The following GRM4 variants were observed in gnomAD, a reference collection of about 807,000 sequenced individuals.
GRM4 encodes glutamate metabotropic receptor 4.
GRM4 carries 28 observed loss-of-function variants against 81.7 expected under a neutral mutation model. The ratio of observed to expected loss-of-function variants is 0.34; its 90% confidence interval spans 0.25 to 0.47. The LOEUF is 0.47. Ranked by LOEUF, GRM4 falls within the 20% of genes least tolerant of loss-of-function variation. The probability of loss-of-function intolerance (pLI) is 1.00; values close to 1 mark genes in which losing one functional copy is unlikely to be tolerated. For synonymous variants in GRM4, 488 were observed against 528.8 expected (o/e 0.92, Z 1.06); for missense variants, 948 against 1,290.0 (o/e 0.73, Z 4.06).
intron 3 of GRM4, among the ~76,000 whole-genome samples, chr6:34,083,546 A>C (rs146726508): frequency 6.6e-6 from 1 of 152,314 alleles, no homozygotes; most frequent in Non-Finnish European, 1.5e-5. Context: ...CAGGTGGCGT[A>C]CAAGGGCAGC....
chr6:34,098,600 C>A (rs1367588045), intron 2 of GRM4, among the ~76,000 whole-genome samples: 2 of 152,230 alleles, frequency 1.3e-5, no homozygotes, highest in East Asian at 3.9e-4. Context: ...CCAGCACAAG[C>A]CCCAGGCTTG....
chr6:34,029,863 G>A (rs1425768841), intron 9 of GRM4, among the ~76,000 whole-genome samples: 3 of 152,232 alleles, frequency 2.0e-5, no homozygotes, highest in Admixed American at 6.5e-5. Flanking sequence ...CCAGGCTGGC[G>A]TGGCCCAGGT....
rs985176363 is a variant in GRM4, at chr6:34,019,933, G to C, written c.*2888C>G. On this transcript the variant is annotated 3_prime_UTR_variant, in exon 11 of 11. Coordinates refer to ENST00000538487, the MANE Select transcript of GRM4 (RefSeq NM_000841.4). ...GGCTGCACTGGCCTGAGCCTTCTAG[G>C]TGATGGACCCAGGACTCCAGCAGCA... 6.6e-6 allele frequency: 1 copy of C among 152,210 alleles called. No homozygotes were observed. Among genetic ancestry groups the C allele is most frequent in the Non-Finnish European group, 1.5e-5 (1 of 68,104 alleles). 9.4% of individuals were successfully genotyped at this position (152,210 alleles called of 1,614,324 possible).
chr6:34,102,016 C>A, intron 2 of GRM4: 2 of 1,535,616 alleles, frequency 1.3e-6, no homozygotes, highest in Non-Finnish European at 1.7e-6. Context: ...TCACCAGGAT[C>A]CTTACCTGTC....
At chr6:34,106,673 C>T (rs533491389) in intron 2 of GRM4, among the ~76,000 whole-genome samples, 2 of 152,276 alleles carry the variant, frequency 1.3e-5, no homozygotes, top group African/African-American at 4.8e-5. Context: ...AACACCACAC[C>T]TTTCATTCAC....
chr6:34,039,664 T>C (rs1764898897), intron 8 of GRM4, among the ~76,000 whole-genome samples: 2 of 152,156 alleles, frequency 1.3e-5, no homozygotes, highest in Non-Finnish European at 2.9e-5. Context: ...CTGCCTTCTA[T>C]CGTGCTTTGA....
upstream of GRM4, among the ~76,000 whole-genome samples, chr6:34,147,464 C>G (rs1025870426): frequency 2.0e-5 from 3 of 152,236 alleles, no homozygotes; most frequent in Non-Finnish European, 4.4e-5. Context: ...TTCTTGGGAA[C>G]AGCCTGCCTG....
At position 34,036,688 on chromosome 6, in the gene GRM4, GC is replaced by G; in HGVS notation, c.1507-86del. 1.4e-6 allele frequency: 1 copy of G among 720,422 alleles called. No individual in the cohort carries two copies. Among genetic ancestry groups the G allele is most frequent in the Non-Finnish European group, 2.3e-6 (1 of 437,118 alleles). The allele number at this position is 720,422 out of a possible 1,614,324, so 44.6% of individuals were successfully genotyped here. ...TCCTACTGGGTGGTGGCACCTTGTA[GC>G]CCCACACTCAAATCACCCAGCTAGT... On this transcript the variant is annotated intron_variant, in intron 8 of 10. Transcript: ENST00000538487. This position sits in a 1 kb window ranked among gnomAD's most constrained non-coding sequence, Gnocchi z 9.0.
At chr6:34,085,102 G>A (rs1174123315) in intron 3 of GRM4, among the ~76,000 whole-genome samples, 14 of 152,318 alleles carry the variant, frequency 9.2e-5, no homozygotes, top group African/African-American at 2.2e-4. Context: ...AGGGAACAGG[G>A]CTGGTCGTCT....
Position 34,089,836 on chromosome 6 carries a change from C to A in GRM4, c.736+2047G>T, listed in dbSNP as rs960589907. 6.6e-6 allele frequency among the ~76,000 whole-genome samples: 1 copy of A among 152,126 alleles called. No individual in the cohort carries two copies. Among genetic ancestry groups the A allele is most frequent in the Non-Finnish European group, 1.5e-5 (1 of 68,022 alleles). On this transcript the variant is annotated intron_variant, in intron 3 of 10. Coordinates refer to ENST00000538487, the MANE Select transcript of GRM4 (RefSeq NM_000841.4). The surrounding 1 kb of genome is among the most constrained non-coding windows in gnomAD (Gnocchi z 4.3). Reference sequence around the variant, plus strand: ...CCATCCCATGCCTCTCCTGTCCCTCCAGGCTGTGTGTACATGGGTGTGCCT... The same window carrying A: ...CCATCCCATGCCTCTCCTGTCCCTCAAGGCTGTGTGTACATGGGTGTGCCT...
chr6:34,122,459 C>T (rs573032927), intron 2 of GRM4, among the ~76,000 whole-genome samples: 1 of 152,282 alleles, frequency 6.6e-6, no homozygotes, highest in Admixed American at 6.5e-5. Context: ...CTCACTGCCC[C>T]CAGCCCAGGC....
Position 34,092,736 on chromosome 6 carries a change from G to A in GRM4, c.520-637C>T, listed in dbSNP as rs978141991. 1.4e-4 allele frequency among the ~76,000 whole-genome samples: 22 copies of A among 152,054 alleles called. No homozygotes were observed. Among genetic ancestry groups the A allele is most frequent in the South Asian group, 2.1e-4 (1 of 4,820 alleles). On this transcript the variant is annotated intron_variant, in intron 2 of 10. Transcript: ENST00000538487. This position sits in a 1 kb window ranked among gnomAD's most constrained non-coding sequence, Gnocchi z 6.8. ...GAGCCCAGAGAGTCACCACCCTGCCGGGTCCCACAGCCTCTCCAAGGCAGA... is the reference window on the plus strand; with the variant it reads ...GAGCCCAGAGAGTCACCACCCTGCCAGGTCCCACAGCCTCTCCAAGGCAGA...
rs912674847 is a variant in GRM4 at position 34,115,876 on chromosome 6, C to T, written c.519+17102G>A. The stretch of plus-strand genomic sequence containing the variant: ...GTGGCCAGACTGTGACCTCCATGGA[C>T]GGTCAATCAATGGAAAGGGACTTTG... On this transcript the variant is annotated intron_variant, in intron 2 of 10. Coordinates refer to ENST00000538487, the MANE Select transcript of GRM4 (RefSeq NM_000841.4). The surrounding 1 kb of genome is among the most constrained non-coding windows in gnomAD (Gnocchi z 4.1). Among the ~76,000 whole-genome samples, 2 of 152,172 alleles carry T rather than the reference C, an allele frequency of 1.3e-5. No individual in the cohort carries two copies. The highest frequency in any genetic ancestry group is 2.4e-5 in the African/African-American group (1 of 41,436).
At chr6:34,128,723 A>C (rs1437464239) in intron 2 of GRM4, among the ~76,000 whole-genome samples, 1 of 152,020 alleles carries the variant, frequency 6.6e-6, no homozygotes, top group Admixed American at 6.6e-5. Context: ...GGCTGGCACC[A>C]TTATCATCTC....
At chr6:34,026,601 C>T (rs1356119462) in intron 10 of GRM4, among the ~76,000 whole-genome samples, 1 of 151,974 alleles carries the variant, frequency 6.6e-6, no homozygotes, top group Non-Finnish European at 1.5e-5. Flanking sequence ...ACGGGGTCTC[C>T]CTCCCCAGGC....
chr6:34,055,632 G>A (rs903503244), intron 6 of GRM4: 10 of 152,216 alleles, frequency 6.6e-5, no homozygotes, highest in African/African-American at 2.4e-4. Context: ...TATTGAGTCT[G>A]GGTCCTGCCG....
At chr6:34,103,501 C>T (rs748815867) in intron 2 of GRM4, 146 of 1,134,748 alleles carry the variant, frequency 1.3e-4, no homozygotes, top group Admixed American at 5.2e-4. Context: ...GGGCGGCGGG[C>T]GAGGGAGAGC....
At chr6:34,051,215 C>A (rs1176476333) in intron 6 of GRM4, among the ~76,000 whole-genome samples, 2 of 152,180 alleles carry the variant, frequency 1.3e-5, no homozygotes, top group African/African-American at 2.4e-5. Flanking sequence ...CGGATTCAAA[C>A]CCTAACTCTG....
At chr6:34,085,118 C>T (rs185820034) in intron 3 of GRM4, among the ~76,000 whole-genome samples, 4 of 152,310 alleles carry the variant, frequency 2.6e-5, no homozygotes, top group Non-Finnish European at 4.4e-5. Flanking sequence ...CGTCTGTTCA[C>T]TCACACTTCA....
Sources: allele counts gnomAD v4.1 joint callset (sites outside exome capture counted in the v4.1 genomes callset), GRCh38; gene constraint gnomAD v4.1.1; non-coding constraint Gnocchi (gnomAD v3.1); transcripts MANE v1.5; gene names NCBI Gene and HGNC (gene_info 2026-07-23, HGNC 2026-07-21).